TMLHE: variants seen among roughly 807,000 people sequenced by gnomAD.
TMLHE encodes trimethyllysine hydroxylase, epsilon, also known as trimethyllysine dioxygenase, mitochondrial.
Under a neutral mutation model 25.7 loss-of-function variants are expected in TMLHE, and 18 were observed. The ratio of observed to expected loss-of-function variants is 0.70; its 90% CI spans 0.48 to 1.04. The LOEUF (loss-of-function observed/expected upper bound fraction) is 1.04. Among genes scored for constraint, TMLHE ranks in the 50% least tolerant of loss-of-function variants. The pLI is 0.00. For missense variants in TMLHE, 236 were observed against 259.0 expected (o/e 0.91, Z 0.61); for synonymous variants, 105 against 97.0 (o/e 1.08, Z -0.49).
intron 2 of TMLHE, among the ~76,000 whole-genome samples, chrX:155,540,552 T>C (rs1323797144): frequency 1.8e-5 from 2 of 111,110 alleles, no homozygotes; most frequent in East Asian, 5.7e-4. Context: ...ATCCTTCAAG[T>C]TGAAGAAAAA....
intron 4 of TMLHE, among the ~76,000 whole-genome samples, chrX:155,513,614 G>T: frequency 9.1e-6 from 1 of 110,432 alleles, no homozygotes; most frequent in Middle Eastern, 4.7e-3. Context: ...GGGTGTGTGT[G>T]TGTGTGTGTG....
At chrX:155,548,398 GA>G (rs1569562053) in intron 1 of TMLHE, among the ~76,000 whole-genome samples, 1 of 111,800 alleles carries the variant, frequency 8.9e-6, no homozygotes, top group Non-Finnish European at 1.9e-5. Flanking sequence ...GCAGGTATCT[GA>G]AATTCACACA....
intron 3 of TMLHE, 47 bp from the exon 4 acceptor site, chrX:155,514,312 T>A: frequency 1.8e-6 from 2 of 1,104,720 alleles, no homozygotes; most frequent in Non-Finnish European, 2.4e-6. Flanking sequence ...ACAAATAATG[T>A]CAATATTTGT....
intron 1 of TMLHE, among the ~76,000 whole-genome samples, chrX:155,547,731 A>G (rs2124417423): frequency 9.1e-6 from 1 of 109,812 alleles, no homozygotes; most frequent in South Asian, 3.9e-4. Flanking sequence ...AAAAAAAAAG[A>G]TGGGATTGTT....
At chrX:155,558,822 G>A (rs1367728776) in intron 1 of TMLHE, among the ~76,000 whole-genome samples, 1 of 111,141 alleles carries the variant, frequency 9.0e-6, no homozygotes, top group Non-Finnish European at 1.9e-5. Flanking sequence ...TATCATAAAT[G>A]ACTTATTAGT....
chrX:155,590,090 A>G (rs2067686536), intron 1 of TMLHE, among the ~76,000 whole-genome samples: 1 of 112,327 alleles, frequency 8.9e-6, no homozygotes, highest in Non-Finnish European at 1.9e-5. Context: ...CTGAAAGGAA[A>G]TGACACCAGA....
intron 1 of TMLHE, among the ~76,000 whole-genome samples, chrX:155,585,492 T>A (rs965383958): frequency 2.1e-4 from 23 of 107,544 alleles, no homozygotes; most frequent in East Asian, 2.9e-4. Context: ...TCCATGAAAA[T>A]AAACAAAATG....
intron 2 of TMLHE, among the ~76,000 whole-genome samples, chrX:155,533,807 AACTT>A (rs1161841400): frequency 4.5e-5 from 5 of 111,835 alleles, no homozygotes; most frequent in African/African-American, 1.6e-4. Flanking sequence ...AGTGGCAAAA[AACTT>A]AGCTGCAAAG....
chrX:155,562,537 G>C (rs1696571368), intron 1 of TMLHE, among the ~76,000 whole-genome samples: 1 of 62,101 alleles, frequency 1.6e-5, no homozygotes, highest in African/African-American at 3.6e-5. Context: ...TTCTGCAGCA[G>C]GCTTGAATTT....
intron 1 of TMLHE, among the ~76,000 whole-genome samples, chrX:155,585,948 G>A (rs1246436288): frequency 9.0e-6 from 1 of 111,646 alleles, no homozygotes. Flanking sequence ...ATTGGGCCAG[G>A]CACGGTGGCT....
intron 2 of TMLHE, among the ~76,000 whole-genome samples, chrX:155,535,703 C>T (rs2067275013): frequency 8.9e-6 from 1 of 111,911 alleles, no homozygotes; most frequent in Non-Finnish European, 1.9e-5. Context: ...CTAATACTAC[C>T]ACCTTAATAG....
At chrX:155,549,803 A>ATGTG (rs2067401233) in intron 1 of TMLHE, among the ~76,000 whole-genome samples, 1 of 109,149 alleles carries the variant, frequency 9.2e-6, no homozygotes, top group African/African-American at 3.4e-5. Flanking sequence ...AGGTATACAA[A>ATGTG]CCATGGTGGT....
intron 1 of TMLHE, among the ~76,000 whole-genome samples, chrX:155,603,693 A>G (rs782390796): frequency 1.2e-4 from 13 of 112,353 alleles, no homozygotes; most frequent in Non-Finnish European, 2.3e-4. Context: ...TTTTCAACAA[A>G]TGATGATAGT....
chrX:155,547,697 T>C (rs1557339038), intron 1 of TMLHE, among the ~76,000 whole-genome samples: 2 of 107,708 alleles, frequency 1.9e-5, no homozygotes, highest in Non-Finnish European at 3.9e-5. Flanking sequence ...TTATATTAAC[T>C]TAAAAATAAA....
intron 3 of TMLHE, among the ~76,000 whole-genome samples, chrX:155,516,010 C>CTT (rs782343831): frequency 0.13 from 8,467 of 67,045 alleles, 771 homozygotes; most frequent in African/African-American, 0.15. Flanking sequence ...TTGTACTTTT[C>CTT]TTCTTTTTTT....
At chrX:155,539,923 C>T (rs781917758) in intron 2 of TMLHE, among the ~76,000 whole-genome samples, 41 of 109,368 alleles carry the variant, frequency 3.7e-4, no homozygotes, top group Non-Finnish European at 6.7e-4. Flanking sequence ...TGGAGGGATT[C>T]GATAGCAGAA....
chrX:155,518,342 A>C (rs1335812185), intron 3 of TMLHE, among the ~76,000 whole-genome samples: 1 of 94,940 alleles, frequency 1.1e-5, no homozygotes, highest in Non-Finnish European at 2.1e-5. Context: ...GTGTATATTG[A>C]ACCAGCCTTG....
At chrX:155,603,793 C>T (rs188802482) in intron 1 of TMLHE, among the ~76,000 whole-genome samples, 11 of 111,814 alleles carry the variant, frequency 9.8e-5, no homozygotes, top group East Asian at 5.6e-4. Flanking sequence ...GAGTCATAAA[C>T]GAAAGACGTA....
intron 3 of TMLHE, among the ~76,000 whole-genome samples, chrX:155,522,890 TC>T (rs1557335949): frequency 9.0e-6 from 1 of 111,374 alleles, no homozygotes. Context: ...AAGTGTGATT[TC>T]TGGGTTGCAT....
Sources: allele counts gnomAD v4.1 joint callset (sites outside exome capture counted in the v4.1 genomes callset), GRCh38; gene constraint gnomAD v4.1.1; transcripts MANE v1.5; gene names NCBI Gene and HGNC (gene_info 2026-07-23, HGNC 2026-07-21).